The following ZNF254 variants were observed in gnomAD, a reference collection of about 807,000 sequenced individuals.
ZNF254 encodes the protein CTD-2017D11.1.
ZNF254 carries 10 observed loss-of-function variants against 12.4 expected under a neutral mutation model. The ratio of observed to expected loss-of-function variants is 0.80; its 90% CI spans 0.50 to 1.36. ZNF254 has a LOEUF of 1.36. ZNF254 is among the 40% of genes most tolerant of loss of function. The pLI is 0.00. For synonymous variants in ZNF254, 305 were observed against 253.4 expected (o/e 1.20, Z -1.93); for missense variants, 996 against 763.9 (o/e 1.30, Z -3.58).
chr19:24,075,343 T>A (rs1002132952), intron 2 of ZNF254, among the ~76,000 whole-genome samples: 4 of 152,200 alleles, frequency 2.6e-5, no homozygotes, highest in African/African-American at 9.6e-5. Flanking sequence ...CAGCACCCAA[T>A]ATTTCAATGT....
At chr19:24,116,417 A>G (rs1322595788) in intron 3 of ZNF254, among the ~76,000 whole-genome samples, 2 of 151,422 alleles carry the variant, frequency 1.3e-5, no homozygotes, top group Non-Finnish European at 2.9e-5. Flanking sequence ...TTTTCTCTAA[A>G]CTTCCCTTCT....
intron 3 of ZNF254, among the ~76,000 whole-genome samples, chr19:24,122,390 A>T (rs1568472157): frequency 6.6e-6 from 1 of 151,736 alleles, no homozygotes; most frequent in African/African-American, 2.4e-5. Context: ...ATGCCTGGCT[A>T]ATTTTTGTAT....
At chr19:24,121,019 A>G (rs1286626389) in intron 3 of ZNF254, among the ~76,000 whole-genome samples, 1 of 152,116 alleles carries the variant, frequency 6.6e-6, no homozygotes, top group Non-Finnish European at 1.5e-5. Flanking sequence ...GATTACAGGC[A>G]TGAGCCACAG....
chr19:24,070,145 T>C (rs1367551885), intron 2 of ZNF254, among the ~76,000 whole-genome samples: 1 of 152,186 alleles, frequency 6.6e-6, no homozygotes, highest in African/African-American at 2.4e-5. Context: ...TCTCCTATAT[T>C]GATCAGCCAA....
intron 2 of ZNF254, among the ~76,000 whole-genome samples, chr19:24,074,808 A>G (rs1210024835): frequency 6.6e-6 from 1 of 151,976 alleles, no homozygotes; most frequent in Non-Finnish European, 1.5e-5. Context: ...AGGTTATGCA[A>G]TCTATCTTTT....
At chr19:24,038,176 A>G (rs1485457762) in intron 1 of ZNF254, among the ~76,000 whole-genome samples, 3 of 152,210 alleles carry the variant, frequency 2.0e-5, no homozygotes, top group African/African-American at 7.2e-5. Flanking sequence ...TTTATTTAAA[A>G]TGTAAATAGC....
intron 1 of ZNF254, among the ~76,000 whole-genome samples, chr19:24,095,544 T>C (rs1459402009): frequency 2.6e-5 from 4 of 152,238 alleles, no homozygotes; most frequent in African/African-American, 9.6e-5. Context: ...AGGCTATTTA[T>C]TACTAATTCA....
intron 1 of ZNF254, among the ~76,000 whole-genome samples, chr19:24,043,090 A>G (rs535201888): frequency 9.5e-4 from 144 of 152,098 alleles, no homozygotes; most frequent in African/African-American, 3.3e-3. Flanking sequence ...CAGCTTTTGA[A>G]ACTGGAAGTT....
chr19:24,037,595 G>A (rs1380871221), intron 1 of ZNF254, among the ~76,000 whole-genome samples: 2 of 151,484 alleles, frequency 1.3e-5, no homozygotes, highest in African/African-American at 2.4e-5. Context: ...TACAATGCCC[G>A]GCTAATTGTT....
intron 1 of ZNF254, among the ~76,000 whole-genome samples, chr19:24,092,553 T>C (rs1972456660): frequency 6.6e-6 from 1 of 152,092 alleles, no homozygotes; most frequent in Non-Finnish European, 1.5e-5. Context: ...TTTTTGTTTT[T>C]GTATTTTTTT....
chr19:24,067,586 T>C (rs1162552794), intron 2 of ZNF254, among the ~76,000 whole-genome samples: 1 of 152,096 alleles, frequency 6.6e-6, no homozygotes, highest in Non-Finnish European at 1.5e-5. Flanking sequence ...AAGATTGCAT[T>C]ATTAAATATT....
At chr19:24,055,293 C>CT (rs1342247027) in intron 2 of ZNF254, among the ~76,000 whole-genome samples, 16 of 120,780 alleles carry the variant, frequency 1.3e-4, no homozygotes, top group Admixed American at 4.5e-4. Context: ...TTCTTTTTTT[C>CT]TTTTGAGATG....
intron 3 of ZNF254, among the ~76,000 whole-genome samples, chr19:24,115,026 C>T (rs1298879990): frequency 6.6e-6 from 1 of 152,266 alleles, no homozygotes; most frequent in Admixed American, 6.5e-5. Context: ...CAGGAAACAA[C>T]AGGTGCTGGA....
chr19:24,095,111 T>A (rs1178037157), intron 1 of ZNF254, among the ~76,000 whole-genome samples: 1 of 152,232 alleles, frequency 6.6e-6, no homozygotes, highest in Non-Finnish European at 1.5e-5. Flanking sequence ...GATGTTAAAT[T>A]TTATCAAAAG....
intron 2 of ZNF254, among the ~76,000 whole-genome samples, chr19:24,049,206 A>ATTTTTTTT (rs1970539008): frequency 1.9e-5 from 1 of 53,828 alleles, no homozygotes; most frequent in South Asian, 5.3e-4. Context: ...ATATATATAT[A>ATTTTTTTT]TATATATATT....
At chr19:24,123,329 G>A (rs1055797250) in intron 3 of ZNF254, among the ~76,000 whole-genome samples, 2 of 152,138 alleles carry the variant, frequency 1.3e-5, no homozygotes, top group African/African-American at 2.4e-5. Flanking sequence ...GGCTTAAGAT[G>A]TGGTTTATCA....
intron 3 of ZNF254, among the ~76,000 whole-genome samples, chr19:24,112,942 A>C (rs1372564231): frequency 6.6e-6 from 1 of 152,252 alleles, no homozygotes; most frequent in Non-Finnish European, 1.5e-5. Context: ...TGAAATGGAC[A>C]AATTCCTTGA....
In ZNF254 at chr19:24,108,908, C is replaced by T. The variant is rs969379247; in HGVS notation, c.253+2265C>T. Among the ~76,000 whole-genome samples, 9 of 152,302 alleles carry T rather than the reference C, an allele frequency of 5.9e-5. No homozygotes were observed. The East Asian group carries it at 1.7e-3, about 29-fold the overall frequency. On this transcript the variant is annotated intron_variant, in intron 3 of 3. Transcript: ENST00000357002. ...CGGTGGCTCACGCCTCTAATCCCTGCACTTTGGGAGGCTGAGGTGTGTGGA... is the reference window on the plus strand; with the variant it reads ...CGGTGGCTCACGCCTCTAATCCCTGTACTTTGGGAGGCTGAGGTGTGTGGA...
intron 3 of ZNF254, among the ~76,000 whole-genome samples, chr19:24,119,634 G>A (rs1209889171): frequency 6.6e-6 from 1 of 152,014 alleles, no homozygotes; most frequent in Non-Finnish European, 1.5e-5. Context: ...GGTTACAAGT[G>A]TGTAGCTTCA....
Sources: allele counts gnomAD v4.1 joint callset (sites outside exome capture counted in the v4.1 genomes callset), GRCh38; gene constraint gnomAD v4.1.1; transcripts MANE v1.5; gene names NCBI Gene and HGNC (gene_info 2026-07-23, HGNC 2026-07-21).